CRPPA: variants seen among roughly 807,000 people sequenced by gnomAD.
The protein encoded by CRPPA is D-ribitol-5-phosphate cytidylyltransferase.
In CRPPA, 43 loss-of-function variants were observed where a neutral mutation model predicts 52.0. The observed-to-expected ratio is 0.83, with a 90% CI of 0.65 to 1.07. CRPPA has a LOEUF of 1.07. CRPPA is among the 50% of genes least tolerant of loss of function. The pLI is 0.00. For synonymous variants in CRPPA, 250 were observed against 203.5 expected (o/e 1.23, Z -1.94); for missense variants, 629 against 551.7 (o/e 1.14, Z -1.40).
intron 9 of CRPPA, among the ~76,000 whole-genome samples, chr7:16,094,485 C>T (rs367874967): frequency 1.3e-5 from 2 of 152,014 alleles, no homozygotes; most frequent in East Asian, 3.9e-4. Context: ...CTCCAGCAAA[C>T]ATACAAAAAA....
intron 3 of CRPPA, among the ~76,000 whole-genome samples, chr7:16,353,225 T>C (rs1786203699): frequency 6.6e-6 from 1 of 151,934 alleles, no homozygotes; most frequent in African/African-American, 2.4e-5. Context: ...ATGGTGGCAC[T>C]GCCTGTGGTC....
intron 9 of CRPPA, among the ~76,000 whole-genome samples, chr7:16,169,798 A>G (rs1329872074): frequency 2.0e-5 from 3 of 152,220 alleles, no homozygotes; most frequent in African/African-American, 4.8e-5. Flanking sequence ...GTTATTTCCA[A>G]CAACAGTTGT....
At chr7:16,389,928 A>AAAAAAAAAAAAAAAAATAAATATAT in intron 2 of CRPPA, among the ~76,000 whole-genome samples, 1 of 29,770 alleles carries the variant, frequency 3.4e-5, no homozygotes. Context: ...AAAAAAAAAA[A>AAAAAAAAAAAAAAAAATAAATATAT]ATATATATAT....
At chr7:16,312,891 G>A (rs367696223) in intron 3 of CRPPA, among the ~76,000 whole-genome samples, 3 of 151,926 alleles carry the variant, frequency 2.0e-5, no homozygotes, top group African/African-American at 7.2e-5. Flanking sequence ...GATTTTGAAA[G>A]TTGAACCAGT....
intron 9 of CRPPA, among the ~76,000 whole-genome samples, chr7:16,204,191 A>G (rs1198008122): frequency 6.6e-6 from 1 of 152,172 alleles, no homozygotes; most frequent in African/African-American, 2.4e-5. Context: ...TGTTGGACAA[A>G]AAATTTTTAC....
intron 8 of CRPPA, among the ~76,000 whole-genome samples, chr7:16,242,990 C>T (rs1173767986): frequency 6.6e-6 from 1 of 152,170 alleles, no homozygotes. Context: ...TAATCAATAT[C>T]ACCACCAGTC....
chr7:16,331,565 A>T (rs1785553644), intron 3 of CRPPA, among the ~76,000 whole-genome samples: 4 of 152,218 alleles, frequency 2.6e-5, no homozygotes, highest in Admixed American at 2.6e-4. Context: ...TTAATAGAAC[A>T]TTTAGAACTA....
chr7:16,363,292 C>G (rs1786505999), intron 3 of CRPPA, among the ~76,000 whole-genome samples: 1 of 152,124 alleles, frequency 6.6e-6, no homozygotes, highest in Non-Finnish European at 1.5e-5. Context: ...CAGTTTTGCA[C>G]TGCAAGTTAA....
At chr7:16,398,905 GTGAC>G (rs1787702016) in intron 2 of CRPPA, among the ~76,000 whole-genome samples, 1 of 152,192 alleles carries the variant, frequency 6.6e-6, no homozygotes, top group South Asian at 2.1e-4. Context: ...TGTCCAACAA[GTGAC>G]TGACACATGA....
chr7:16,256,412 G>A (rs1783641505), intron 8 of CRPPA, among the ~76,000 whole-genome samples: 1 of 152,074 alleles, frequency 6.6e-6, no homozygotes, highest in African/African-American at 2.4e-5. Context: ...CCCATTACTG[G>A]GTATACACCC....
chr7:16,334,534 C>A (rs1026132856), intron 3 of CRPPA, among the ~76,000 whole-genome samples: 2 of 152,128 alleles, frequency 1.3e-5, no homozygotes, highest in African/African-American at 2.4e-5. Flanking sequence ...TGCGGCAATC[C>A]CATAAGACCT....
chr7:16,146,763 C>T (rs1469861226), intron 9 of CRPPA, among the ~76,000 whole-genome samples: 1 of 151,802 alleles, frequency 6.6e-6, no homozygotes, highest in African/African-American at 2.4e-5. Flanking sequence ...GTATAATAGA[C>T]ACACAAAAGA....
At chr7:16,201,397 T>C (rs1045725150) in intron 9 of CRPPA, among the ~76,000 whole-genome samples, 1 of 152,138 alleles carries the variant, frequency 6.6e-6, no homozygotes, top group African/African-American at 2.4e-5. Context: ...TTTGTTCTTT[T>C]TGAACGATGT....
In CRPPA at chr7:16,301,428, A is replaced by G. The variant is rs201334104; in HGVS notation, c.828T>C (p.Ile276=). Residue 276 remains isoleucine (I), a synonymous_variant, in exon 5 of 10, where the codon ATT becomes ATC. Coordinates refer to ENST00000407010, the MANE Select transcript of CRPPA (RefSeq NM_001101426.4). ...TCATAAGGCCAAACATACCCTTAAT[A>G]ATCGATTCAGCCGCATAGAGATCTC... The part of the protein sequence containing the change: ...YKRDLYAAES[I]IKERISQEIC... The G allele has an allele frequency of 1.2e-5, 19 of 1,612,692 alleles. No homozygotes were observed. In the Admixed American group the frequency reaches 2.2e-4, roughly 18 times the overall value.
At chr7:16,194,717 G>C (rs1186177671) in intron 9 of CRPPA, among the ~76,000 whole-genome samples, 1 of 152,140 alleles carries the variant, frequency 6.6e-6, no homozygotes, top group African/African-American at 2.4e-5. Flanking sequence ...TAAGGGTCAA[G>C]ATGGAAGGTA....
At chr7:16,119,260 T>C (rs1782436384) in intron 9 of CRPPA, among the ~76,000 whole-genome samples, 1 of 152,078 alleles carries the variant, frequency 6.6e-6, no homozygotes, top group Non-Finnish European at 1.5e-5. Context: ...ATGTGGGTCC[T>C]TTGCCCAGCC....
At chr7:16,317,921 CT>C (rs1785182427) in intron 3 of CRPPA, among the ~76,000 whole-genome samples, 1 of 152,134 alleles carries the variant, frequency 6.6e-6, no homozygotes, top group Non-Finnish European at 1.5e-5. Context: ...TTTCTCTAGT[CT>C]TTTTGATAAT....
At chr7:16,130,113 G>C (rs7787646) in intron 9 of CRPPA, among the ~76,000 whole-genome samples, 3,292 of 152,218 alleles carry the variant, frequency 0.022, 122 homozygotes, top group African/African-American at 0.074. Flanking sequence ...CTCTTGATAG[G>C]AGTTATGTGT....
chr7:16,236,095 T>C (rs1782943242), intron 8 of CRPPA: 1 of 152,076 alleles, frequency 6.6e-6, no homozygotes, highest in Non-Finnish European at 1.5e-5. Context: ...CCATCTCATA[T>C]CAATGGTAAG....
Sources: gnomAD v4.1 joint callset for allele counts (sites outside exome capture counted in the v4.1 genomes callset) on GRCh38, gnomAD v4.1.1 for gene constraint, MANE v1.5 for transcripts, NCBI Gene and HGNC (gene_info 2026-07-23, HGNC 2026-07-21) for gene names.